Variants in KAZN observed in about 807,000 individuals in gnomAD.
KAZN encodes kazrin.
Under a neutral mutation model 87.4 loss-of-function variants are expected in KAZN, and 40 were observed. The observed-to-expected ratio is 0.46, with a 90% CI of 0.36 to 0.60. KAZN has a LOEUF of 0.60. Ranked by LOEUF, KAZN falls within the 20% of genes least tolerant of loss-of-function variation. The pLI is 0.00. For synonymous variants in KAZN, 466 were observed against 458.3 expected (o/e 1.02, Z -0.22); for missense variants, 898 against 1,073.9 (o/e 0.84, Z 2.29).
At chr1:14,604,562 T>C (rs1677216124) in intron 1 of KAZN, among the ~76,000 whole-genome samples, 1 of 152,214 alleles carries the variant, frequency 6.6e-6, no homozygotes. Flanking sequence ...TTGTGCTCTG[T>C]GGGCACTCCT....
intron 2 of KAZN, among the ~76,000 whole-genome samples, chr1:14,393,378 G>C (rs929299858): frequency 2.6e-5 from 4 of 152,132 alleles, no homozygotes; most frequent in African/African-American, 7.2e-5. Flanking sequence ...TATGTAGCAA[G>C]AATAAAAGCA....
chr1:14,636,784 G>T (rs1680021597), intron 1 of KAZN, among the ~76,000 whole-genome samples: 1 of 152,152 alleles, frequency 6.6e-6, no homozygotes, highest in Admixed American at 6.5e-5. Context: ...TAAACAGCAT[G>T]GTAATTTGAT....
chr1:14,304,823 G>C (rs572719344), intron 2 of KAZN, among the ~76,000 whole-genome samples: 1 of 152,230 alleles, frequency 6.6e-6, no homozygotes, highest in African/African-American at 2.4e-5. Context: ...CCGAGCTCCT[G>C]GAACTCATAA....
intron 1 of KAZN, among the ~76,000 whole-genome samples, chr1:13,917,877 CTGA>C (rs1209645907): frequency 6.6e-6 from 1 of 151,612 alleles, no homozygotes; most frequent in African/African-American, 2.4e-5. Context: ...ACAGCAAAGC[CTGA>C]TGACAGCACA....
rs550998992 is a variant in KAZN at position 14,006,608 on chromosome 1, C to T, written c.91+112852C>T. On this transcript the variant is annotated intron_variant, in intron 1 of 16. Coordinates refer to the KAZN transcript ENST00000636203. ...TTTATTGAAGAGACTATCCTTTCTC[C>T]AGTGTGTCTTCTTGGTGCCCTGGTT... is the stretch of plus-strand genomic sequence containing the variant. 7.9e-5 allele frequency among the ~76,000 whole-genome samples: 12 copies of T among 152,204 alleles called. 1 individual carries two copies. The South Asian group carries it at 2.5e-3, about 32-fold the overall frequency.
chr1:14,479,363 C>G (rs1217592730), intron 2 of KAZN, among the ~76,000 whole-genome samples: 1 of 152,190 alleles, frequency 6.6e-6, no homozygotes, highest in Non-Finnish European at 1.5e-5. Flanking sequence ...TTCGCCATGG[C>G]CAAAACTCCC....
chr1:14,691,928 CTTTT>C (rs34159268), intron 1 of KAZN, among the ~76,000 whole-genome samples: 2 of 144,460 alleles, frequency 1.4e-5, no homozygotes. Context: ...CAATTTCTTC[CTTTT>C]TTTTTTTTTT....
intron 1 of KAZN, among the ~76,000 whole-genome samples, chr1:14,734,416 G>T (rs533014750): frequency 4.1e-4 from 61 of 150,608 alleles, no homozygotes; most frequent in Admixed American, 1.9e-3. Flanking sequence ...TGATTCTCCT[G>T]CCTCAGCTTC....
At chr1:14,925,261 G>A (rs1173899552) in intron 1 of KAZN, among the ~76,000 whole-genome samples, 2 of 152,112 alleles carry the variant, frequency 1.3e-5, no homozygotes, top group Non-Finnish European at 2.9e-5. Context: ...CCAAGTTAGG[G>A]CATGGGGATG....
chr1:14,754,717 C>T (rs1644508881), intron 1 of KAZN, among the ~76,000 whole-genome samples: 1 of 152,052 alleles, frequency 6.6e-6, no homozygotes, highest in Non-Finnish European at 1.5e-5. Flanking sequence ...GTTCATGCTT[C>T]CTAACATGGG....
intron 11 of KAZN, among the ~76,000 whole-genome samples, chr1:15,102,107 A>G (rs915231822): frequency 9.2e-5 from 14 of 152,210 alleles, no homozygotes; most frequent in African/African-American, 3.4e-4. Flanking sequence ...GAGAACCACA[A>G]GGAAGCTGGT....
At chr1:14,809,085 T>C (rs977799237) in intron 1 of KAZN, among the ~76,000 whole-genome samples, 2 of 152,168 alleles carry the variant, frequency 1.3e-5, no homozygotes, top group African/African-American at 4.8e-5. Context: ...ACCCTTACAT[T>C]TTACTGACCA....
intron 2 of KAZN, among the ~76,000 whole-genome samples, chr1:14,401,344 A>C (rs1663392972): frequency 6.6e-6 from 1 of 151,814 alleles, no homozygotes; most frequent in South Asian, 2.1e-4. Flanking sequence ...AGAGAAGACG[A>C]CTAGTTTTAG....
At chr1:14,182,199 A>G (rs944442161) in intron 2 of KAZN, among the ~76,000 whole-genome samples, 1 of 152,188 alleles carries the variant, frequency 6.6e-6, no homozygotes, top group Non-Finnish European at 1.5e-5. Flanking sequence ...GATGACTGCT[A>G]GAATGTTCTC....
At position 15,081,135 on chromosome 1, in the gene KAZN, T is replaced by A. The variant is rs1639986483; in HGVS notation, c.1223-13045T>A. 6.6e-6 allele frequency among the ~76,000 whole-genome samples: 1 copy of A among 152,166 alleles called. No individual in the cohort carries two copies. ...AGACCACAGAGGAAGGCCTGCTCCCTCCCTCCCTCCGTTCCTCCCTTCCTG... is the reference window on the plus strand; with the variant it reads ...AGACCACAGAGGAAGGCCTGCTCCCACCCTCCCTCCGTTCCTCCCTTCCTG... On this transcript the variant is annotated intron_variant, in intron 8 of 14. Transcript: ENST00000376030. This position sits in a 1 kb window ranked among gnomAD's most constrained non-coding sequence, Gnocchi z 4.1.
intron 2 of KAZN, among the ~76,000 whole-genome samples, chr1:14,562,199 C>T (rs1190080486): frequency 6.6e-6 from 1 of 152,220 alleles, no homozygotes; most frequent in Non-Finnish European, 1.5e-5. Flanking sequence ...ATGCTACTAA[C>T]TTCTAATTTG....
At chr1:14,823,408 A>T (rs1428510342) in intron 1 of KAZN, among the ~76,000 whole-genome samples, 1 of 152,048 alleles carries the variant, frequency 6.6e-6, no homozygotes, top group African/African-American at 2.4e-5. Context: ...CTTGGAGAAT[A>T]TGGAGATTGA....
chr1:14,669,479 C>G (rs1639783216), intron 1 of KAZN, among the ~76,000 whole-genome samples: 2 of 152,190 alleles, frequency 1.3e-5, no homozygotes, highest in South Asian at 4.1e-4. Context: ...CGCGGTGGCT[C>G]ACACCTCTAA....
At chr1:15,052,783 G>C (rs910356866) in intron 4 of KAZN, among the ~76,000 whole-genome samples, 3 of 152,146 alleles carry the variant, frequency 2.0e-5, no homozygotes, top group Non-Finnish European at 4.4e-5. Context: ...GAACTCACAG[G>C]TACAGCCACC....
Sources: allele counts gnomAD v4.1 joint callset (sites outside exome capture counted in the v4.1 genomes callset), GRCh38; gene constraint gnomAD v4.1.1; non-coding constraint Gnocchi (gnomAD v3.1); transcripts MANE v1.5; gene names NCBI Gene and HGNC (gene_info 2026-07-23, HGNC 2026-07-21).